GABRB3: variants seen among roughly 807,000 people sequenced by gnomAD.
GABRB3 encodes gamma-aminobutyric acid type A receptor subunit beta3.
In GABRB3, 14 loss-of-function variants were observed where a neutral mutation model predicts 52.1. The ratio of observed to expected loss-of-function variants is 0.27; its 90% CI spans 0.18 to 0.42. The LOEUF is 0.42. Among genes scored for constraint, GABRB3 ranks in the 10% least tolerant of loss-of-function variants. The pLI, the probability that GABRB3 is intolerant of heterozygous loss-of-function variation, is 1.00. For missense variants in GABRB3, 307 were observed against 609.1 expected, an observed-to-expected ratio of 0.50 and a Z score of 5.22; for synonymous variants, 260 against 232.3, an observed-to-expected ratio of 1.12 and a Z score of -1.08.
At chr15:26,712,565 T>A (rs1398209206) in intron 3 of GABRB3, among the ~76,000 whole-genome samples, 1 of 152,128 alleles carries the variant, frequency 6.6e-6, no homozygotes, top group Non-Finnish European at 1.5e-5. Flanking sequence ...CGAGAGCCCG[T>A]GACTCCAGAA....
intron 3 of GABRB3, among the ~76,000 whole-genome samples, chr15:26,767,971 A>G (rs1312396901): frequency 4.6e-5 from 7 of 152,158 alleles, no homozygotes; most frequent in Non-Finnish European, 8.8e-5. Context: ...CTGCTTCTTG[A>G]AATGTGCTAA....
chr15:26,731,615 A>G (rs1444717534), intron 3 of GABRB3, among the ~76,000 whole-genome samples: 1 of 152,224 alleles, frequency 6.6e-6, no homozygotes, highest in African/African-American at 2.4e-5. Flanking sequence ...AGAGTTTATA[A>G]GATAATGGCC....
chr15:26,667,875 T>G (rs1301067911), intron 3 of GABRB3, among the ~76,000 whole-genome samples: 1 of 152,176 alleles, frequency 6.6e-6, no homozygotes, highest in East Asian at 1.9e-4. Flanking sequence ...AAATCCCGTA[T>G]GAAGTAGGAA....
intron 8 of GABRB3, chr15:26,557,501 G>C (rs1277276819): frequency 6.6e-6 from 1 of 152,120 alleles, no homozygotes; most frequent in Non-Finnish European, 1.5e-5. Flanking sequence ...CGTAAAATTT[G>C]ATTCTTTTCT....
chr15:26,709,703 G>A (rs1889231424), intron 3 of GABRB3, among the ~76,000 whole-genome samples: 2 of 151,794 alleles, frequency 1.3e-5, no homozygotes, highest in African/African-American at 4.8e-5. Context: ...ATTTCTAGTA[G>A]AGACAGGGTT....
chr15:26,722,728 A>G (rs1462721874), intron 3 of GABRB3, among the ~76,000 whole-genome samples: 3 of 152,138 alleles, frequency 2.0e-5, no homozygotes, highest in Non-Finnish European at 4.4e-5. Flanking sequence ...GGAAGCAGTC[A>G]CAGAAATCAG....
chr15:26,630,794 G>T (rs529221303), intron 3 of GABRB3, among the ~76,000 whole-genome samples: 1 of 152,274 alleles, frequency 6.6e-6, no homozygotes, highest in Non-Finnish European at 1.5e-5. Context: ...GTATCAATCA[G>T]TTAGCACAAA....
chr15:26,636,547 C>T (rs966618820), intron 3 of GABRB3, among the ~76,000 whole-genome samples: 3 of 152,228 alleles, frequency 2.0e-5, no homozygotes, highest in African/African-American at 7.2e-5. Context: ...TCTTCTCTAT[C>T]TGCACTCCCT....
At chr15:26,721,484 G>A (rs1451203007) in intron 3 of GABRB3, among the ~76,000 whole-genome samples, 9 of 151,866 alleles carry the variant, frequency 5.9e-5, no homozygotes, top group Non-Finnish European at 1.3e-4. Context: ...TCCCTTCTTC[G>A]TTTCAGCAGA....
intron 6 of GABRB3, among the ~76,000 whole-genome samples, chr15:26,579,422 C>A (rs1415786785): frequency 6.6e-6 from 1 of 152,270 alleles, no homozygotes; most frequent in South Asian, 2.1e-4. Flanking sequence ...AAGAATGAGT[C>A]GGAGCTAGCC....
intron 3 of GABRB3, among the ~76,000 whole-genome samples, chr15:26,759,156 G>C (rs1428104539): frequency 2.0e-5 from 3 of 152,062 alleles, no homozygotes; most frequent in Non-Finnish European, 4.4e-5. Flanking sequence ...GCAGACCAAA[G>C]TCTTCATCTC....
intron 3 of GABRB3, among the ~76,000 whole-genome samples, chr15:26,693,678 G>C (rs1566808246): frequency 6.6e-6 from 1 of 152,126 alleles, no homozygotes; most frequent in Non-Finnish European, 1.5e-5. Flanking sequence ...ATAGGACAAA[G>C]CCCTGAAAAC....
chr15:26,562,377 T>C lies in GABRB3; in HGVS notation c.836-1201A>G, dbSNP rs138683337. 4.1e-4 allele frequency among the ~76,000 whole-genome samples: 62 copies of C among 152,270 alleles called. 1 individual carries two copies. The highest frequency in any genetic ancestry group is 3.6e-3 in the Admixed American group (55 of 15,290). On this transcript the variant is annotated intron_variant, in intron 7 of 8. Transcript: ENST00000311550. ...GGGTTTCAGGACCCAATAAAGAGAA[T>C]AGGTTCCTCCGCATTGCTTTGTCAG...
At chr15:26,660,870 G>T (rs559264824) in intron 3 of GABRB3, among the ~76,000 whole-genome samples, 1 of 152,168 alleles carries the variant, frequency 6.6e-6, no homozygotes, top group Non-Finnish European at 1.5e-5. Flanking sequence ...ACAGGGTCTC[G>T]CTCTGTCGCC....
intron 3 of GABRB3, among the ~76,000 whole-genome samples, chr15:26,641,540 T>A (rs965113951): frequency 1.3e-5 from 2 of 152,264 alleles, no homozygotes; most frequent in African/African-American, 4.8e-5. Flanking sequence ...TTGGTTAGAA[T>A]GAAGGTTTCC....
intron 8 of GABRB3, among the ~76,000 whole-genome samples, chr15:26,552,573 T>C (rs1889517265): frequency 6.6e-6 from 1 of 152,164 alleles, no homozygotes; most frequent in Admixed American, 6.5e-5. Flanking sequence ...GGGCCACATC[T>C]TCCTGCCCAA....
intron 4 of GABRB3, among the ~76,000 whole-genome samples, chr15:26,596,773 T>C (rs1346152): frequency 0.86 from 131,509 of 152,190 alleles, 57,187 homozygotes; most frequent in East Asian, 1. Context: ...GATAAATGGG[T>C]GAGACAACCT....
At chr15:26,657,942 G>A (rs1362262999) in intron 3 of GABRB3, among the ~76,000 whole-genome samples, 5 of 152,152 alleles carry the variant, frequency 3.3e-5, no homozygotes, top group African/African-American at 4.8e-5. Context: ...GACTGCCTTC[G>A]TTAAACTAAC....
chr15:26,763,245 T>C (rs1890869241), intron 3 of GABRB3, among the ~76,000 whole-genome samples: 1 of 152,182 alleles, frequency 6.6e-6, no homozygotes, highest in Non-Finnish European at 1.5e-5. Flanking sequence ...ATGGCACTGT[T>C]TTCCAAAACT....
Sources: gnomAD v4.1 joint callset for allele counts (sites outside exome capture counted in the v4.1 genomes callset) on GRCh38, gnomAD v4.1.1 for gene constraint, MANE v1.5 for transcripts, NCBI Gene and HGNC (gene_info 2026-07-23, HGNC 2026-07-21) for gene names.